Variants in C2CD2 observed in about 807,000 individuals in gnomAD.
The protein encoded by C2CD2 is C2 domain-containing protein 2.
Under a neutral mutation model 74.3 loss-of-function variants are expected in C2CD2, and 43 were observed. The ratio of observed to expected loss-of-function variants is 0.58; its 90% confidence interval spans 0.45 to 0.75. The LOEUF is 0.75. Ranked by LOEUF, C2CD2 falls within the 30% of genes least tolerant of loss-of-function variation. The pLI is 0.00. For synonymous variants in C2CD2, 422 were observed against 390.7 expected (o/e 1.08, Z -0.94); for missense variants, 801 against 916.3 (o/e 0.87, Z 1.63).
chr21:41,927,023 A>C (rs2065219706), intron 2 of C2CD2, among the ~76,000 whole-genome samples: 2 of 152,322 alleles, frequency 1.3e-5, no homozygotes, highest in Non-Finnish European at 1.5e-5. Flanking sequence ...AGACAGTATG[A>C]ACTGGATATA....
intron 6 of C2CD2, among the ~76,000 whole-genome samples, chr21:41,912,998 C>A (rs1316515073): frequency 2.6e-5 from 4 of 152,186 alleles, no homozygotes; most frequent in African/African-American, 9.7e-5. Flanking sequence ...ACCCCAAGTA[C>A]CTCGCCCCCT....
At position 41,901,726 on chromosome 21, in the gene C2CD2, C is replaced by A. The variant is rs750759803; in HGVS notation, c.1456G>T (p.Asp486Tyr). 1 of 1,614,024 alleles carries A rather than the reference C, an allele frequency of 6.2e-7. No homozygotes were observed. The highest frequency in any genetic ancestry group is 2.2e-5 in the East Asian group (1 of 44,892). Residue 486 changes from aspartate (D) to tyrosine (Y), a missense_variant, in exon 12 of 14, where the codon GAT becomes TAT. Coordinates refer to ENST00000380486, the MANE Select transcript of C2CD2 (RefSeq NM_015500.2). ...CGAATGGCCACTTCAGCCACTGGAT[C>A]CGAACCATTCAACACCAACAATTCT... ...DTELLVLNGS[D>Y]PVAEVAIRQL...
chr21:41,925,722 C>T (rs748361058), intron 2 of C2CD2, among the ~76,000 whole-genome samples: 5 of 152,338 alleles, frequency 3.3e-5, no homozygotes, highest in Non-Finnish European at 7.3e-5. Context: ...CCAACAGTGG[C>T]AGGGCCCCCA....
chr21:41,933,512 G>A (rs904088529), intron 2 of C2CD2, among the ~76,000 whole-genome samples: 7 of 152,186 alleles, frequency 4.6e-5, no homozygotes, highest in Admixed American at 1.3e-4. Context: ...GTCTCACCCT[G>A]GACATTTTAC....
At chr21:41,943,360 CCAA>C (rs2065371219) in intron 1 of C2CD2, among the ~76,000 whole-genome samples, 1 of 152,138 alleles carries the variant, frequency 6.6e-6, no homozygotes, top group Non-Finnish European at 1.5e-5. Flanking sequence ...GGCAACAAGG[CCAA>C]CGTTTTATGA....
chr21:41,923,162 ATTTTTTGTGT>A lies in C2CD2; in HGVS notation c.379-1087_379-1078del, dbSNP rs1303647855. On this transcript the variant is annotated intron_variant, in intron 2 of 13. Coordinates refer to ENST00000380486, the MANE Select transcript of C2CD2 (RefSeq NM_015500.2). This position sits in a 1 kb window ranked among gnomAD's most constrained non-coding sequence, Gnocchi z 5.8. ...AGGCGTGTGCTACTACTCCCGGCTA[ATTTTTTGTGT>A]TTTTAGTAGAGACGGGGTTTCACCA... Among the ~76,000 whole-genome samples, 19 of 152,028 alleles carry A rather than the reference ATTTTTTGTGT, an allele frequency of 1.2e-4. No homozygotes were observed. Among genetic ancestry groups the A allele is most frequent in the Admixed American group, 1.2e-3 (19 of 15,266 alleles).
intron 11 of C2CD2, among the ~76,000 whole-genome samples, chr21:41,904,137 A>C (rs2064932726): frequency 6.6e-6 from 1 of 152,138 alleles, no homozygotes; most frequent in African/African-American, 2.4e-5. Flanking sequence ...CAACCTACCA[A>C]AACCAAGACG....
At chr21:41,938,975 C>T (rs560743735) in intron 2 of C2CD2, among the ~76,000 whole-genome samples, 2 of 152,128 alleles carry the variant, frequency 1.3e-5, no homozygotes, top group Non-Finnish European at 2.9e-5. Flanking sequence ...AACTCCTGAC[C>T]TCATGATCCG....
At chr21:41,909,234 A>T (rs1001193996) in intron 8 of C2CD2, among the ~76,000 whole-genome samples, 2 of 152,178 alleles carry the variant, frequency 1.3e-5, no homozygotes, top group Admixed American at 6.5e-5. Context: ...GGATTTTTTT[A>T]AAAAAACAAA....
At chr21:41,928,459 CA>C (rs1273384983) in intron 2 of C2CD2, among the ~76,000 whole-genome samples, 1 of 134,168 alleles carries the variant, frequency 7.5e-6, no homozygotes, top group Non-Finnish European at 1.5e-5. Context: ...GACCCTCATT[CA>C]AAACAATTTC....
chr21:41,901,539 G>A (rs2064896775), intron 12 of C2CD2, 83 bp downstream of exon 12: 1 of 1,429,946 alleles, frequency 7.0e-7, no homozygotes, highest in African/African-American at 1.4e-5. Flanking sequence ...CAAGTGCTTG[G>A]GCTAACTTCT....
rs1569075617 is a variant in C2CD2 at position 41,926,118 on chromosome 21, AG to A, written c.379-4034del. 6.6e-6 allele frequency among the ~76,000 whole-genome samples: 1 copy of A among 152,224 alleles called. No individual in the cohort carries two copies. The highest frequency in any genetic ancestry group is 2.4e-5 in the African/African-American group (1 of 41,462). On this transcript the variant is annotated intron_variant, in intron 2 of 13. Coordinates refer to ENST00000380486, the MANE Select transcript of C2CD2 (RefSeq NM_015500.2). The surrounding 1 kb of genome is among the most constrained non-coding windows in gnomAD (Gnocchi z 8.0). ...CCTCAGAGGACAGGAGTGAACCCCC[AG>A]CCCCAGGGAAGAACTCCACAGAGCC...
At chr21:41,948,732 A>ACTTCGTG (rs2065422995) in intron 1 of C2CD2, among the ~76,000 whole-genome samples, 1 of 152,116 alleles carries the variant, frequency 6.6e-6, no homozygotes, top group Admixed American at 6.5e-5. Context: ...AGGAGTTTGG[A>ACTTCGTG]CTTCGTGAGC....
intron 2 of C2CD2, among the ~76,000 whole-genome samples, chr21:41,935,871 G>A (rs1378770472): frequency 6.6e-6 from 1 of 152,070 alleles, no homozygotes; most frequent in Non-Finnish European, 1.5e-5. Flanking sequence ...ACCTTGAATG[G>A]TGCTGGGAAA....
chr21:41,946,281 A>G (rs73221449), intron 1 of C2CD2, among the ~76,000 whole-genome samples: 3,304 of 152,338 alleles, frequency 0.022, 34 homozygotes, highest in Middle Eastern at 0.048. Context: ...AGGAGGTGAC[A>G]TGATGTGGAT....
At chr21:41,907,973 G>A (rs13433505) in intron 8 of C2CD2, 189 bp from the exon 9 acceptor site, 67,460 of 639,630 alleles carry the variant, frequency 0.11, 4,574 homozygotes, top group African/African-American at 0.27. Flanking sequence ...CTGTGGAAAC[G>A]CTGCAGGACA....
Position 41,888,835 on chromosome 21 carries a change from T to C in C2CD2, c.*289A>G. On this transcript the variant is annotated 3_prime_UTR_variant, in exon 14 of 14. Coordinates refer to ENST00000380486, the MANE Select transcript of C2CD2 (RefSeq NM_015500.2). ...TATTATTTCACTTATAATGTTAATC[T>C]CCTTCTAATATTGAACCCTAACCCT... The C allele has an allele frequency of 2.1e-6, 1 of 478,526 alleles. No individual in the cohort carries two copies. The highest frequency in any genetic ancestry group is 3.8e-6 in the Non-Finnish European group (1 of 263,388). The allele number at this position is 478,526 out of a possible 1,614,324, so 29.6% of individuals were successfully genotyped here.
In C2CD2 at chr21:41,895,008, G is replaced by C. The variant is rs1262497130; in HGVS notation, c.1870+4045C>G. 2.2e-6 allele frequency: 1 copy of C among 454,708 alleles called. No individual in the cohort carries two copies. Among genetic ancestry groups the C allele is most frequent in the African/African-American group, 2.0e-5 (1 of 50,064 alleles). 28.2% of individuals were successfully genotyped at this position (454,708 alleles called of 1,614,324 possible). On this transcript the variant is annotated intron_variant, in intron 13 of 13. Transcript: ENST00000380486. This position sits in a 1 kb window ranked among gnomAD's most constrained non-coding sequence, Gnocchi z 5.0. ...GGCTGCAGCACCCGGAGATTCAACA[G>C]AACACGCACTGAGGTGCGGCTGGGA...
In C2CD2 at chr21:41,899,203, G is replaced by T. The variant is rs373331318; in HGVS notation, c.1720C>A (p.Pro574Thr). The change falls in exon 13 of 14, where the codon CCC becomes ACC. Residue 574 changes from proline (P) to threonine (T), a missense_variant. By Grantham distance (38) the Pro-to-Thr change is conservative (BLOSUM62 -1). Coordinates refer to ENST00000380486, the MANE Select transcript of C2CD2 (RefSeq NM_015500.2). This position sits in a 1 kb window ranked among gnomAD's most constrained non-coding sequence, Gnocchi z 4.4. Reference sequence around the variant, plus strand: ...CAGGAGTCTAGCTCGTCCTCCTGGGGCTTGGGGGCAAGGGATGCCTGGGCT... The same window carrying T: ...CAGGAGTCTAGCTCGTCCTCCTGGGTCTTGGGGGCAAGGGATGCCTGGGCT... ...ESAQASLAPK[P>T]QEDELDSWDL... 1 of 1,612,458 alleles carries T rather than the reference G, an allele frequency of 6.2e-7. No individual in the cohort carries two copies.
Sources: allele counts gnomAD v4.1 joint callset (sites outside exome capture counted in the v4.1 genomes callset), GRCh38; gene constraint gnomAD v4.1.1; non-coding constraint Gnocchi (gnomAD v3.1); transcripts MANE v1.5; gene names NCBI Gene and HGNC (gene_info 2026-07-23, HGNC 2026-07-21).